Variants in PRKCA observed in about 807,000 individuals in gnomAD.
The protein encoded by PRKCA is protein kinase C alpha, also known as protein kinase C alpha type.
PRKCA carries 27 observed loss-of-function variants against 87.0 expected under a neutral mutation model. That is an observed-to-expected ratio of 0.31 (90% confidence interval 0.23 to 0.43). The LOEUF (loss-of-function observed/expected upper bound fraction) is 0.43. PRKCA is among the 20% of genes least tolerant of loss of function. PRKCA has a pLI of 1.00. For synonymous variants in PRKCA, 329 were observed against 311.1 expected, an observed-to-expected ratio of 1.06 and a Z score of -0.61; for missense variants, 518 against 852.3, an observed-to-expected ratio of 0.61 and a Z score of 4.88.
chr17:66,756,024 G>A (rs1974539512), intron 13 of PRKCA, among the ~76,000 whole-genome samples: 2 of 152,170 alleles, frequency 1.3e-5, no homozygotes, highest in African/African-American at 4.8e-5. Context: ...TCCGTAATCG[G>A]CAAATTGCTG....
intron 2 of PRKCA, among the ~76,000 whole-genome samples, chr17:66,350,221 C>T (rs529065260): frequency 5.9e-5 from 9 of 152,142 alleles, no homozygotes; most frequent in East Asian, 1.9e-4. Context: ...TGTTGGAAAA[C>T]GAGCTTGGAT....
chr17:66,585,543 G>A (rs1969567161), intron 3 of PRKCA, among the ~76,000 whole-genome samples: 1 of 152,220 alleles, frequency 6.6e-6, no homozygotes, highest in Non-Finnish European at 1.5e-5. Flanking sequence ...CTCAGGTATT[G>A]GGGATTAAGA....
Position 66,428,747 on chromosome 17 carries a change from G to A in PRKCA, c.206-67454G>A, listed in dbSNP as rs1912948232. Among the ~76,000 whole-genome samples the A allele has an allele frequency of 3.3e-5, 5 of 151,984 alleles. No individual in the cohort carries two copies. In the South Asian group the frequency reaches 6.3e-4, roughly 19 times the overall value. ...TCGAACTCCTGACCTCAAGTGATCCGCCCACTCTGGCCTCCCAAATTGCCG... is the reference window on the plus strand; with the variant it reads ...TCGAACTCCTGACCTCAAGTGATCCACCCACTCTGGCCTCCCAAATTGCCG... On this transcript the variant is annotated intron_variant, in intron 2 of 16. Coordinates refer to ENST00000413366, the MANE Select transcript of PRKCA (RefSeq NM_002737.3).
intron 5 of PRKCA, among the ~76,000 whole-genome samples, chr17:66,686,823 GT>G (rs1006582732): frequency 1.2e-4 from 19 of 152,140 alleles, no homozygotes; most frequent in African/African-American, 4.3e-4. Flanking sequence ...TGGGACCTGG[GT>G]TTCTGCATTT....
At chr17:66,482,475 T>C (rs1915830235) in intron 2 of PRKCA, among the ~76,000 whole-genome samples, 1 of 152,218 alleles carries the variant, frequency 6.6e-6, no homozygotes, top group Non-Finnish European at 1.5e-5. Context: ...CAGTGATCTT[T>C]ACTACCTTTT....
At chr17:66,769,569 G>C (rs550457119) in intron 13 of PRKCA, among the ~76,000 whole-genome samples, 138 of 152,266 alleles carry the variant, frequency 9.1e-4, no homozygotes, top group African/African-American at 3.2e-3. Context: ...TGCTGCACAA[G>C]CTTTTCTCCC....
chr17:66,450,144 G>T (rs1037070465), intron 2 of PRKCA, among the ~76,000 whole-genome samples: 1 of 152,050 alleles, frequency 6.6e-6, no homozygotes, highest in Non-Finnish European at 1.5e-5. Context: ...AACTCATACT[G>T]AGTGGAGTTC....
rs140991044 is a variant in PRKCA, at chr17:66,399,444, T to C, written c.205+93317T>C. On this transcript the variant is annotated intron_variant, in intron 2 of 16. Coordinates refer to ENST00000413366, the MANE Select transcript of PRKCA (RefSeq NM_002737.3). ...CAAAATTTCAATCTGCAGTTTTTAA[T>C]CTATACAAAAAACTGTGGTAAAAGA... is the stretch of plus-strand genomic sequence containing the variant. Among the ~76,000 whole-genome samples, 47 of 152,298 alleles carry C rather than the reference T, an allele frequency of 3.1e-4. No homozygotes were observed. In the East Asian group the frequency reaches 4.8e-3, roughly 16 times the overall value.
intron 3 of PRKCA, among the ~76,000 whole-genome samples, chr17:66,552,261 G>A (rs1447348283): frequency 1.3e-5 from 2 of 152,170 alleles, no homozygotes; most frequent in African/African-American, 2.4e-5. Flanking sequence ...TTGCACCACT[G>A]CACTCCAGTC....
chr17:66,629,334 A>T (rs1970945446), intron 3 of PRKCA, among the ~76,000 whole-genome samples: 1 of 152,226 alleles, frequency 6.6e-6, no homozygotes, highest in Non-Finnish European at 1.5e-5. Context: ...AAATGAGTGC[A>T]GAATCCCAGT....
At chr17:66,548,785 G>A (rs1052950695) in intron 3 of PRKCA, among the ~76,000 whole-genome samples, 17 of 148,440 alleles carry the variant, frequency 1.1e-4, no homozygotes, top group Non-Finnish European at 1.0e-4. Flanking sequence ...CCCTCCTAGC[G>A]CCTACCGAAT....
At chr17:66,605,599 A>G (rs117611765) in intron 3 of PRKCA, among the ~76,000 whole-genome samples, 56 of 152,362 alleles carry the variant, frequency 3.7e-4, no homozygotes, top group Non-Finnish European at 7.2e-4. Context: ...TTCTAGGTAT[A>G]TACCGAAGAG....
chr17:66,680,415 G>GTTTTTGGCTT (rs1440513176), intron 5 of PRKCA, among the ~76,000 whole-genome samples: 2 of 152,098 alleles, frequency 1.3e-5, no homozygotes, highest in Non-Finnish European at 2.9e-5. Flanking sequence ...CTTTGTCCTT[G>GTTTTTGGCTT]TTTTTGGCTT....
rs564735559 is a variant in PRKCA at position 66,497,763 on chromosome 17, G to C, written c.288+1480G>C. Among the ~76,000 whole-genome samples the C allele has an allele frequency of 2.6e-5, 4 of 152,310 alleles. No homozygotes were observed. The South Asian group carries it at 8.3e-4, about 32-fold the overall frequency. On this transcript the variant is annotated intron_variant, in intron 3 of 16. Transcript: ENST00000413366. ...CTTTAATTTGAAAGTGGCTATCTCA[G>C]TGCAGGCAAGACTAAATTCTTCCCT...
At chr17:66,441,698 A>G (rs1002209527) in intron 2 of PRKCA, among the ~76,000 whole-genome samples, 1 of 152,138 alleles carries the variant, frequency 6.6e-6, no homozygotes, top group Non-Finnish European at 1.5e-5. Flanking sequence ...CGGTTTTTTC[A>G]ACCTGTAGCC....
At chr17:66,545,311 C>T (rs564024126) in intron 3 of PRKCA, among the ~76,000 whole-genome samples, 1 of 152,260 alleles carries the variant, frequency 6.6e-6, no homozygotes, top group South Asian at 2.1e-4. Flanking sequence ...TGCCTGTAGT[C>T]CCAGCTACTC....
intron 2 of PRKCA, among the ~76,000 whole-genome samples, chr17:66,483,741 T>G (rs1915881224): frequency 6.6e-6 from 1 of 152,016 alleles, no homozygotes; most frequent in African/African-American, 2.4e-5. Flanking sequence ...ATTACAGGAG[T>G]GAGCCACCGC....
At chr17:66,774,507 G>A (rs1975005891) in intron 14 of PRKCA, 1 of 670,894 alleles carries the variant, frequency 1.5e-6, no homozygotes, top group Non-Finnish European at 1.9e-6. Context: ...TGTAAACTCA[G>A]CTACTTGAGC....
In PRKCA at chr17:66,765,418, CTATATATATATATATATATATATATA is replaced by C. The variant is rs58356468; in HGVS notation, c.1525-8557_1525-8532del. 8.8e-3 allele frequency among the ~76,000 whole-genome samples: 436 copies of C among 49,342 alleles called. 16 individuals are homozygous for C. The highest frequency in any genetic ancestry group is 0.01 in the Non-Finnish European group (267 of 25,784). The allele number at this position is 49,342 out of a possible 152,430, so 32.4% of individuals were successfully genotyped here. On this transcript the variant is annotated intron_variant, in intron 13 of 16. Coordinates refer to ENST00000413366, the MANE Select transcript of PRKCA (RefSeq NM_002737.3). ...CCTGGTCGACAGAGCAAGACTTTGTCTATATATATATATATATATATATATATATATATATATCCATATATATACAT... is the reference window on the plus strand; with the variant it reads ...CCTGGTCGACAGAGCAAGACTTTGTCTATATATATATCCATATATATACAT...
Sources: allele counts gnomAD v4.1 joint callset (sites outside exome capture counted in the v4.1 genomes callset), GRCh38; gene constraint gnomAD v4.1.1; transcripts MANE v1.5; gene names NCBI Gene and HGNC (gene_info 2026-07-23, HGNC 2026-07-21).